The following FCRL1 variants were observed in gnomAD, a reference collection of about 807,000 sequenced individuals.
FCRL1 encodes the protein Fc receptor-like protein 1.
Under a neutral mutation model 49.2 loss-of-function variants are expected in FCRL1, and 34 were observed. That is an observed-to-expected ratio of 0.69 (90% confidence interval 0.53 to 0.92). The LOEUF (loss-of-function observed/expected upper bound fraction) is 0.92, where lower values mean the gene tolerates loss of function less well. Ranked by LOEUF, FCRL1 falls within the 40% of genes least tolerant of loss-of-function variation. The pLI is 0.00. For synonymous variants in FCRL1, 218 were observed against 201.6 expected (o/e 1.08, Z -0.69); for missense variants, 524 against 524.1 (o/e 1.00, Z 0.00).
chr1:157,815,629 A>G (rs552159561), intron 1 of FCRL1, among the ~76,000 whole-genome samples: 48 of 152,046 alleles, frequency 3.2e-4, no homozygotes, highest in African/African-American at 1.2e-3. Context: ...AATGAAATAG[A>G]GACTAGAAAA....
intron 2 of FCRL1, 149 bp from the exon 3 acceptor site, chr1:157,804,260 G>A (rs1653045114): frequency 1.2e-6 from 1 of 839,164 alleles, no homozygotes; most frequent in East Asian, 2.7e-5. Context: ...CCCCCCCAGT[G>A]GCCCATGGGC....
In FCRL1 at chr1:157,795,067, C is replaced by A. The variant is rs985411229; in HGVS notation, c.*1032G>T. 3 of 152,160 alleles carry A rather than the reference C, an allele frequency of 2.0e-5. No homozygotes were observed. The allele number at this position is 152,160 out of a possible 1,614,324, so 9.4% of individuals were successfully genotyped here. On this transcript the variant is annotated 3_prime_UTR_variant, in exon 11 of 11. Transcript: ENST00000368176. ...TTACAGGAAAGACTTTAACTTTTTA[C>A]TTTATATACCTCCAAATGTTTATTA...
intron 1 of FCRL1, among the ~76,000 whole-genome samples, chr1:157,813,313 A>C (rs1654587919): frequency 6.6e-6 from 1 of 152,224 alleles, no homozygotes. Flanking sequence ...AAGGAAACTC[A>C]CTTATAAGAG....
At chr1:157,803,824 A>G (rs759382237) in intron 3 of FCRL1, 21 bp downstream of exon 3, 2 of 1,609,230 alleles carry the variant, frequency 1.2e-6, no homozygotes, top group East Asian at 4.5e-5. Context: ...ATCCTGGCAG[A>G]CTGACCCCAC....
At chr1:157,810,100 G>A (rs896479214) in intron 1 of FCRL1, among the ~76,000 whole-genome samples, 2 of 152,102 alleles carry the variant, frequency 1.3e-5, no homozygotes, top group Non-Finnish European at 2.9e-5. Flanking sequence ...ACCCCTTGAT[G>A]CAGCAACATG....
chr1:157,805,861 A>C (rs1435494672), intron 2 of FCRL1, among the ~76,000 whole-genome samples: 5 of 152,152 alleles, frequency 3.3e-5, no homozygotes, highest in Admixed American at 2.6e-4. Flanking sequence ...ACACCACTGC[A>C]CTCCAGCCTG....
At position 157,812,819 on chromosome 1, in the gene FCRL1, T is replaced by C. The variant is rs568480239; in HGVS notation, c.32-5697A>G. Among the ~76,000 whole-genome samples, 79 of 152,272 alleles carry C rather than the reference T, an allele frequency of 5.2e-4. 1 individual carries two copies. The highest frequency in any genetic ancestry group is 1.9e-3 in the African/African-American group (78 of 41,540). Reference sequence around the variant, plus strand: ...TACTACCATGCCTGCCTGTGACCCATGCCAGGGCCAAACACCAAAAGACAC... The same window carrying C: ...TACTACCATGCCTGCCTGTGACCCACGCCAGGGCCAAACACCAAAAGACAC... On this transcript the variant is annotated intron_variant, in intron 1 of 10. Coordinates refer to ENST00000368176, the MANE Select transcript of FCRL1 (RefSeq NM_052938.5).
rs546205327 is a variant in FCRL1, at chr1:157,818,885, A to C, written c.31+1122T>G. Among the ~76,000 whole-genome samples the C allele has an allele frequency of 2.4e-4, 37 of 152,344 alleles. 1 individual carries two copies. The highest frequency in any genetic ancestry group is 8.9e-4 in the African/African-American group (37 of 41,570). ...GCATGTTTGTATACTTATGGGAATA[A>C]TTTAGAATGAAGAAACATATTGATG... On this transcript the variant is annotated intron_variant, in intron 1 of 10. Transcript: ENST00000368176.
intron 1 of FCRL1, among the ~76,000 whole-genome samples, chr1:157,809,607 C>T (rs909512360): frequency 1.3e-5 from 2 of 152,142 alleles, no homozygotes; most frequent in African/African-American, 2.4e-5. Flanking sequence ...TGCCAGCCAC[C>T]ACACCCAGCT....
chr1:157,809,987 C>T (rs1654066715), intron 1 of FCRL1, among the ~76,000 whole-genome samples: 1 of 152,050 alleles, frequency 6.6e-6, no homozygotes, highest in Non-Finnish European at 1.5e-5. Context: ...AGAAAGAAAG[C>T]CAGCAGAATA....
rs1653868509 is a variant in FCRL1, at chr1:157,808,834, GA to G, written c.32-1713del. On this transcript the variant is annotated intron_variant, in intron 1 of 10. Transcript: ENST00000368176. ...TAAATTCTGAAAGTAGAATTAATAGGAATTGCTTATGGATTAAATAGAAAGT... is the reference window on the plus strand; with the variant it reads ...TAAATTCTGAAAGTAGAATTAATAGGATTGCTTATGGATTAAATAGAAAGT... Among the ~76,000 whole-genome samples the G allele has an allele frequency of 2.0e-5, 3 of 152,162 alleles. No individual in the cohort carries two copies. The South Asian group carries it at 6.2e-4, about 32-fold the overall frequency.
At chr1:157,800,157 A>G (rs1173504809) in intron 6 of FCRL1, 72 bp from the exon 7 acceptor site, 2 of 1,473,994 alleles carry the variant, frequency 1.4e-6, no homozygotes, top group Non-Finnish European at 1.9e-6. Flanking sequence ...GTGTTTTCAT[A>G]CCCCCTGCAC....
chr1:157,807,631 C>T (rs112855779), intron 1 of FCRL1, among the ~76,000 whole-genome samples: 9 of 152,094 alleles, frequency 5.9e-5, no homozygotes, highest in African/African-American at 2.2e-4. Context: ...GCATAGAGAC[C>T]CTTTGTTTAC....
intron 1 of FCRL1, among the ~76,000 whole-genome samples, chr1:157,812,460 T>G (rs1320859323): frequency 6.6e-6 from 1 of 152,144 alleles, no homozygotes. Flanking sequence ...GTGCCTAAGT[T>G]GCCCCTGTGT....
intron 1 of FCRL1, 120 bp from the exon 2 acceptor site, chr1:157,807,242 C>T: frequency 1.1e-6 from 1 of 901,414 alleles, no homozygotes; most frequent in Non-Finnish European, 1.7e-6. Context: ...CTCCCTGCAT[C>T]TCTCTCTTCC....
intron 1 of FCRL1, among the ~76,000 whole-genome samples, chr1:157,815,849 T>C (rs1180994430): frequency 6.6e-6 from 1 of 151,778 alleles, no homozygotes; most frequent in African/African-American, 2.4e-5. Context: ...AGTTGGTAAC[T>C]TAGAAGAAAT....
rs764278069 is a variant in FCRL1 at position 157,802,573 on chromosome 1, A to G, written c.411T>C (p.Ala137=). Residue 137 remains alanine (A), a synonymous_variant, in exon 4 of 11, where the codon GCT becomes GCC. Coordinates refer to ENST00000368176, the MANE Select transcript of FCRL1 (RefSeq NM_052938.5). ...GDRLVLICSV[A]MGTGDITFLW... ...GGAAGGTGATGTCTCCTGTGCCCATAGCAACTGAGCAGATGAGGACCAGCC... is the reference window on the plus strand; with the variant it reads ...GGAAGGTGATGTCTCCTGTGCCCATGGCAACTGAGCAGATGAGGACCAGCC... 6.2e-6 allele frequency: 10 copies of G among 1,614,214 alleles called. No individual in the cohort carries two copies. Among genetic ancestry groups the G allele is most frequent in the Admixed American group, 1.7e-5 (1 of 60,032 alleles).
At chr1:157,797,717 C>T (rs768122692) in intron 9 of FCRL1, 151 bp downstream of exon 9, 76 of 1,552,048 alleles carry the variant, frequency 4.9e-5, no homozygotes, top group Non-Finnish European at 6.1e-6. Flanking sequence ...AAGGTAGCTC[C>T]AGACCCAAGG....
intron 2 of FCRL1, among the ~76,000 whole-genome samples, chr1:157,805,420 G>A (rs965549770): frequency 6.6e-6 from 1 of 152,098 alleles, no homozygotes; most frequent in Non-Finnish European, 1.5e-5. Flanking sequence ...TCAGCTTTTC[G>A]GCTGAAATGT....
Sources: gnomAD v4.1 joint callset for allele counts (sites outside exome capture counted in the v4.1 genomes callset) on GRCh38, gnomAD v4.1.1 for gene constraint, MANE v1.5 for transcripts, NCBI Gene and HGNC (gene_info 2026-07-23, HGNC 2026-07-21) for gene names.